The following SNRNP40 variants were observed in gnomAD, a reference collection of about 807,000 sequenced individuals.
SNRNP40 encodes the protein small nuclear ribonucleoprotein U5 subunit 40, also known as U5 small nuclear ribonucleoprotein 40 kDa protein.
In SNRNP40, 21 loss-of-function variants were observed where a neutral mutation model predicts 45.8. The observed-to-expected ratio is 0.46, with a 90% CI of 0.32 to 0.66. The LOEUF (loss-of-function observed/expected upper bound fraction) is 0.66. Ranked by LOEUF, SNRNP40 falls within the 30% of genes least tolerant of loss-of-function variation. SNRNP40 has a pLI of 0.03. For missense variants in SNRNP40, 344 were observed against 439.1 expected, an observed-to-expected ratio of 0.78 and a Z score of 1.94; for synonymous variants, 142 against 163.8, an observed-to-expected ratio of 0.87 and a Z score of 1.01.
At chr1:31,294,712 G>T (rs1311739515) in intron 1 of SNRNP40, among the ~76,000 whole-genome samples, 2 of 152,054 alleles carry the variant, frequency 1.3e-5, no homozygotes, top group Non-Finnish European at 2.9e-5. Context: ...GGCTGAGGTG[G>T]GCGGATCACT....
intron 1 of SNRNP40, 137 bp downstream of exon 1, chr1:31,296,474 G>A: frequency 8.2e-7 from 1 of 1,213,130 alleles, no homozygotes; most frequent in Non-Finnish European, 1.1e-6. Context: ...CTTTTACAGT[G>A]TTTATGTGCT....
At chr1:31,288,668 T>TTTC (rs71569977) in intron 4 of SNRNP40, among the ~76,000 whole-genome samples, 458 of 28,590 alleles carry the variant, frequency 0.016, 10 homozygotes, top group African/African-American at 0.03. Context: ...CAGAACAGCC[T>TTTC]TTTTTTTTTT....
chr1:31,271,413 G>C lies in SNRNP40; in HGVS notation c.741C>G (p.Gly247=). 2 of 1,613,884 alleles carry C rather than the reference G, an allele frequency of 1.2e-6. No homozygotes were observed. The highest frequency in any genetic ancestry group is 1.1e-5 in the South Asian group (1 of 91,068). Residue 247 remains glycine, a synonymous_variant, in exon 6 of 10, where the codon GGC becomes GGG. Coordinates refer to ENST00000263694, the MANE Select transcript of SNRNP40 (RefSeq NM_004814.3). ...SVTGLSLSSE[G]SYLLSNAMDN... is the part of the protein sequence containing the mutation. ...CCATTGCATTGGACAAAAGATAAGA[G>C]CCTTCAGAACTTAAACTCAGGCCAG... is the stretch of plus-strand genomic sequence containing the variant.
chr1:31,290,032 A>C (rs1646091849), intron 3 of SNRNP40, among the ~76,000 whole-genome samples: 2 of 152,032 alleles, frequency 1.3e-5, no homozygotes, highest in Admixed American at 1.3e-4. Flanking sequence ...GTTAATTTTT[A>C]AAAATCATTT....
At chr1:31,293,177 C>T (rs765243291) in intron 2 of SNRNP40, 42 bp downstream of exon 2, 34 of 1,610,626 alleles carry the variant, frequency 2.1e-5, no homozygotes, top group Non-Finnish European at 2.9e-5. Context: ...AAATCACTAT[C>T]TGGCAGGAAA....
At position 31,289,254 on chromosome 1, in the gene SNRNP40, C is replaced by G. The variant is rs942086622; in HGVS notation, c.531G>C (p.Lys177Asn). ...VCTGSDDGTV[K>N]LWDIRKKAAI... ...TGGAACACGGAGAGACAATACCCAC[C>G]TTAACTGTGCCATCGTCACTGCCAG... is the stretch of plus-strand genomic sequence containing the variant. The change falls in exon 4 of 10, where the codon AAG becomes AAC. Residue 177 changes from lysine to asparagine, a missense_variant and splice_region_variant. This residue lies in a region of SNRNP40 where 254 missense variants were observed against 380.2 expected (regional missense o/e 0.67). Coordinates refer to ENST00000263694, the MANE Select transcript of SNRNP40 (RefSeq NM_004814.3). 1.2e-6 allele frequency: 2 copies of G among 1,613,726 alleles called. No individual in the cohort carries two copies. Among genetic ancestry groups the G allele is most frequent in the Non-Finnish European group, 1.7e-6 (2 of 1,179,814 alleles).
intron 5 of SNRNP40, 93 bp from the exon 6 acceptor site, chr1:31,271,592 C>A: frequency 3.4e-5 from 39 of 1,148,978 alleles, no homozygotes; most frequent in Non-Finnish European, 4.6e-5. Context: ...CCCAGAGACA[C>A]TGATATTACT....
At chr1:31,269,313 A>T (rs1391471715) in intron 6 of SNRNP40, 73 bp from the exon 7 acceptor site, 1 of 1,594,762 alleles carries the variant, frequency 6.3e-7, no homozygotes, top group South Asian at 1.1e-5. Context: ...CACCCAGCTG[A>T]AATTAGTATC....
At chr1:31,289,442 A>AAAAAGAAATAAGTGAAGATAAACAGTAAC in intron 3 of SNRNP40, 23 bp from the exon 4 acceptor site, 1 of 1,596,370 alleles carries the variant, frequency 6.3e-7, no homozygotes, top group Non-Finnish European at 8.6e-7. Flanking sequence ...AGAAAGAATA[A>AAAAAGAAATAAGTGAAGATAAACAGTAAC]AAAAGAAATA....
At chr1:31,292,066 G>T in intron 2 of SNRNP40, 60 bp from the exon 3 acceptor site, 1 of 1,190,108 alleles carries the variant, frequency 8.4e-7, no homozygotes, top group Non-Finnish European at 1.3e-6. Context: ...AAATTTATCA[G>T]AACAACAGTT....
chr1:31,289,582 A>G (rs1227215027), intron 3 of SNRNP40, among the ~76,000 whole-genome samples, 163 bp from the exon 4 acceptor site: 1 of 152,154 alleles, frequency 6.6e-6, no homozygotes, highest in African/African-American at 2.4e-5. Flanking sequence ...CCAAAATCCT[A>G]TTTGTCCTCT....
chr1:31,269,439 C>T (rs1645922164), intron 6 of SNRNP40, 199 bp from the exon 7 acceptor site: 5 of 1,283,588 alleles, frequency 3.9e-6, no homozygotes, highest in African/African-American at 1.5e-5. Context: ...ATCCCAATAA[C>T]TGGGGCTAGC....
In SNRNP40 at chr1:31,288,881, G is replaced by A. The variant is rs939749288; in HGVS notation, c.531+373C>T. ...CAAGCAACTGGAACTACAGGTGCCC[G>A]CCATCACGCCCGGCTTATTTTTTGT... On this transcript the variant is annotated intron_variant, in intron 4 of 9. Coordinates refer to ENST00000263694, the MANE Select transcript of SNRNP40 (RefSeq NM_004814.3). 8.5e-5 allele frequency among the ~76,000 whole-genome samples: 13 copies of A among 152,208 alleles called. No homozygotes were observed. In the East Asian group the frequency reaches 9.7e-4, roughly 11 times the overall value.
intron 5 of SNRNP40, among the ~76,000 whole-genome samples, chr1:31,275,929 C>T (rs1287963119): frequency 6.6e-6 from 1 of 152,126 alleles, no homozygotes; most frequent in East Asian, 1.9e-4. Flanking sequence ...GAAATCTATT[C>T]TAAGAAAACA....
intron 5 of SNRNP40, among the ~76,000 whole-genome samples, chr1:31,279,021 G>A (rs966739117): frequency 6.8e-6 from 1 of 146,190 alleles, no homozygotes; most frequent in Non-Finnish European, 1.5e-5. Flanking sequence ...GAGCGATTAT[G>A]TTAAAAAACA....
chr1:31,288,761 C>T (rs1221408669), intron 4 of SNRNP40, among the ~76,000 whole-genome samples: 1 of 149,786 alleles, frequency 6.7e-6, no homozygotes, highest in Non-Finnish European at 1.5e-5. Context: ...TTTTTTGAGA[C>T]AGAGTCTCGC....
chr1:31,270,410 A>C (rs1187620276), intron 6 of SNRNP40, among the ~76,000 whole-genome samples: 2 of 152,186 alleles, frequency 1.3e-5, no homozygotes, highest in Admixed American at 1.3e-4. Flanking sequence ...TGGGCAACAC[A>C]GCAAGATCCT....
rs181756728 is a variant in SNRNP40 at position 31,288,088 on chromosome 1, G to A, written c.531+1166C>T. On this transcript the variant is annotated intron_variant, in intron 4 of 9. Coordinates refer to ENST00000263694, the MANE Select transcript of SNRNP40 (RefSeq NM_004814.3). ...TGAGGCTGGGGAATCACTTGAACCCGGGAGGTGGAGGCTACAGTGAGCCAA... is the reference window on the plus strand; with the variant it reads ...TGAGGCTGGGGAATCACTTGAACCCAGGAGGTGGAGGCTACAGTGAGCCAA... 5.4e-3 allele frequency among the ~76,000 whole-genome samples: 824 copies of A among 151,914 alleles called. 3 individuals carry two copies. Among genetic ancestry groups the A allele is most frequent in the Admixed American group, 0.011 (170 of 15,248 alleles).
chr1:31,296,354 G>A (rs899107740), intron 1 of SNRNP40, among the ~76,000 whole-genome samples: 1 of 152,092 alleles, frequency 6.6e-6, no homozygotes, highest in Non-Finnish European at 1.5e-5. Flanking sequence ...TCAGGGTTTT[G>A]AGCCCAAGGT....
Sources: gnomAD v4.1 joint callset for allele counts (sites outside exome capture counted in the v4.1 genomes callset) on GRCh38, gnomAD v4.1.1 for gene constraint, gnomAD v4.1.1 regional missense constraint, MANE v1.5 for transcripts, NCBI Gene and HGNC (gene_info 2026-07-23, HGNC 2026-07-21) for gene names.